The following NGEF variants were observed in gnomAD, a reference collection of about 807,000 sequenced individuals.
NGEF encodes the protein ephexin-1.
NGEF carries 31 observed loss-of-function variants against 80.9 expected under a neutral mutation model. That is an observed-to-expected ratio of 0.38 (90% CI 0.29 to 0.52). NGEF has a LOEUF of 0.52. Among genes scored for constraint, NGEF ranks in the 20% least tolerant of loss-of-function variants. The probability of loss-of-function intolerance (pLI) is 0.84; values close to 1 mark genes in which losing one functional copy is unlikely to be tolerated. For missense variants in NGEF, 709 were observed against 926.2 expected, an observed-to-expected ratio of 0.77 and a Z score of 3.04; for synonymous variants, 371 against 370.2, an observed-to-expected ratio of 1.00 and a Z score of -0.03.
At chr2:232,895,343 A>G (rs1310693260) in intron 5 of NGEF, among the ~76,000 whole-genome samples, 1 of 152,082 alleles carries the variant, frequency 6.6e-6, no homozygotes, top group African/African-American at 2.4e-5. Flanking sequence ...CCTGGCCAAC[A>G]TGGTAAAACC....
At chr2:232,961,019 C>T (rs1693940343) in intron 3 of NGEF, among the ~76,000 whole-genome samples, 1 of 152,206 alleles carries the variant, frequency 6.6e-6, no homozygotes, top group Non-Finnish European at 1.5e-5. Flanking sequence ...TCCTGCCGTG[C>T]TGCCCAGCTC....
At chr2:232,904,170 G>A (rs879271003) in intron 5 of NGEF, among the ~76,000 whole-genome samples, 10 of 152,030 alleles carry the variant, frequency 6.6e-5, no homozygotes, top group Non-Finnish European at 1.3e-4. Context: ...GGGCATGGGG[G>A]GACCGAGCCA....
At chr2:232,917,121 G>A (rs1285301621) in intron 5 of NGEF, among the ~76,000 whole-genome samples, 2 of 152,228 alleles carry the variant, frequency 1.3e-5, no homozygotes, top group Non-Finnish European at 2.9e-5. Flanking sequence ...TCAGTGGAAA[G>A]GGAGTTGTTT....
chr2:232,973,771 C>G (rs1415757663), intron 2 of NGEF, among the ~76,000 whole-genome samples: 1 of 152,194 alleles, frequency 6.6e-6, no homozygotes, highest in Admixed American at 6.5e-5. Flanking sequence ...CTAAACCAAC[C>G]CCCAGAATCA....
chr2:232,891,311 C>G (rs1337560603), intron 8 of NGEF, 47 bp downstream of exon 8: 17 of 1,608,190 alleles, frequency 1.1e-5, no homozygotes, highest in Non-Finnish European at 1.4e-5. Context: ...ATGACCACAG[C>G]AAAGCCTGGG....
Position 232,906,526 on chromosome 2 carries a change from G to A in NGEF, c.829-11610C>T, listed in dbSNP as rs112337710. On this transcript the variant is annotated intron_variant, in intron 5 of 14. Coordinates refer to ENST00000264051, the MANE Select transcript of NGEF (RefSeq NM_019850.3). ...ACCCCGTGTGGGAGGGAGGTGGGGG[G>A]GTCAGCCCCCCGCCCGGTCAGCCGC... is the stretch of plus-strand genomic sequence containing the variant. Among the ~76,000 whole-genome samples the A allele has an allele frequency of 8.0e-4, 3 of 3,738 alleles. 1 individual carries two copies. The East Asian group carries it at 0.014, about 17-fold the overall frequency. The allele number at this position is 3,738 out of a possible 152,430, so 2.5% of individuals were successfully genotyped here. A position where few individuals can be genotyped will look rare whatever the true frequency, so the allele number is the denominator to read the frequency against.
At chr2:232,961,121 A>G (rs570309875) in intron 3 of NGEF, among the ~76,000 whole-genome samples, 1 of 152,288 alleles carries the variant, frequency 6.6e-6, no homozygotes, top group Non-Finnish European at 1.5e-5. Flanking sequence ...TACCAAGAAC[A>G]TCCCATGTCC....
At chr2:233,012,199 T>C (rs1414910277) in intron 1 of NGEF, among the ~76,000 whole-genome samples, 1 of 152,070 alleles carries the variant, frequency 6.6e-6, no homozygotes, top group Non-Finnish European at 1.5e-5. Flanking sequence ...AAAGCAGAAA[T>C]ACACTGATAG....
At chr2:232,883,545 C>T (rs1222953447) in intron 11 of NGEF, 79 bp from the exon 12 acceptor site, 1 of 1,370,760 alleles carries the variant, frequency 7.3e-7, no homozygotes, top group South Asian at 1.5e-5. Context: ...ACTTGGCAGG[C>T]CAACAAGCCT....
intron 3 of NGEF, among the ~76,000 whole-genome samples, chr2:232,955,441 T>C (rs1019435906): frequency 6.6e-6 from 1 of 152,168 alleles, no homozygotes; most frequent in Non-Finnish European, 1.5e-5. Flanking sequence ...CAGTCTAGGA[T>C]CATCATGGCA....
chr2:232,900,774 A>ACAGT (rs59796998), intron 5 of NGEF, among the ~76,000 whole-genome samples: 140,277 of 142,252 alleles, frequency 0.99, 69,188 homozygotes, highest in East Asian at 1. Flanking sequence ...ACACGCTCTC[A>ACAGT]CACTCATGCA....
At chr2:232,992,371 G>A (rs908040764) in intron 1 of NGEF, among the ~76,000 whole-genome samples, 1 of 151,566 alleles carries the variant, frequency 6.6e-6, no homozygotes, top group Non-Finnish European at 1.5e-5. Flanking sequence ...TAGCCTGGTC[G>A]ACATGGTGAA....
intron 1 of NGEF, among the ~76,000 whole-genome samples, chr2:232,983,062 C>A (rs1190167442): frequency 6.6e-6 from 1 of 152,220 alleles, no homozygotes; most frequent in African/African-American, 2.4e-5. Flanking sequence ...AGACAGCTGT[C>A]ACCCTGCCCT....
At chr2:232,965,495 T>C (rs1694039003) in intron 3 of NGEF, among the ~76,000 whole-genome samples, 1 of 151,994 alleles carries the variant, frequency 6.6e-6, no homozygotes, top group African/African-American at 2.4e-5. Flanking sequence ...CAGAATGCTA[T>C]GGAGCAAGAG....
At chr2:232,891,274 C>G in intron 8 of NGEF, 84 bp downstream of exon 8, 1 of 1,551,340 alleles carries the variant, frequency 6.4e-7, no homozygotes, top group South Asian at 1.2e-5. Flanking sequence ...ACCAGTAGAC[C>G]TCCTAGAAAG....
intron 3 of NGEF, among the ~76,000 whole-genome samples, chr2:232,961,556 G>A (rs181638408): frequency 2.6e-5 from 4 of 152,064 alleles, no homozygotes; most frequent in Admixed American, 1.3e-4. Context: ...GCAGTGGCGC[G>A]ATCTCTGCTC....
chr2:232,920,643 A>G lies in NGEF; in HGVS notation c.527-58T>C, dbSNP rs1420501223. 5.4e-6 allele frequency: 8 copies of G among 1,478,520 alleles called. No individual in the cohort carries two copies. In the African/African-American group the frequency reaches 9.9e-5, roughly 18 times the overall value. 91.6% of individuals were successfully genotyped at this position (1,478,520 alleles called of 1,614,324 possible). ...AAAGATCTCAGATGACAATCATTAG[A>G]AATCCCTAAGTCAAGGCTTCGTGTT... On this transcript the variant is annotated intron_variant, in intron 4 of 14. Coordinates refer to ENST00000264051, the MANE Select transcript of NGEF (RefSeq NM_019850.3).
chr2:232,887,491 C>T (rs749589853), intron 9 of NGEF, among the ~76,000 whole-genome samples: 10 of 151,940 alleles, frequency 6.6e-5, no homozygotes, highest in Non-Finnish European at 8.8e-5. Context: ...GACTGAGCTC[C>T]GGGGACTGGG....
intron 3 of NGEF, among the ~76,000 whole-genome samples, chr2:232,968,092 G>GTTTTTTTTTTTTTTTTTTT (rs529799953): frequency 9.3e-6 from 1 of 107,214 alleles, no homozygotes; most frequent in African/African-American, 5.1e-5. Flanking sequence ...AACAGACCTG[G>GTTTTTTTTTTTTTTTTTTT]CTTTTTTTTT....
Sources: allele counts gnomAD v4.1 joint callset (sites outside exome capture counted in the v4.1 genomes callset), GRCh38; gene constraint gnomAD v4.1.1; transcripts MANE v1.5; gene names NCBI Gene and HGNC (gene_info 2026-07-23, HGNC 2026-07-21).